The following NAV2 variants were observed in gnomAD, a reference collection of about 807,000 sequenced individuals.
NAV2 encodes neuron navigator 2.
A neutral mutation model predicts 223.2 loss-of-function variants in NAV2; 54 were observed. The ratio of observed to expected loss-of-function variants is 0.24; its 90% CI spans 0.19 to 0.30. The LOEUF (loss-of-function observed/expected upper bound fraction) is 0.30, where lower values mean the gene tolerates loss of function less well. Among genes scored for constraint, NAV2 ranks in the 10% least tolerant of loss-of-function variants. The pLI is 1.00. For missense variants in NAV2, 2,806 were observed against 3,147.5 expected, an observed-to-expected ratio of 0.89 and a Z score of 2.60; for synonymous variants, 1,279 against 1,239.3, an observed-to-expected ratio of 1.03 and a Z score of -0.67.
At chr11:20,007,953 GAAC>G (rs1363314900) in intron 11 of NAV2, among the ~76,000 whole-genome samples, 8 of 152,234 alleles carry the variant, frequency 5.3e-5, no homozygotes, top group Admixed American at 5.2e-4. Context: ...TTATAGAAGA[GAAC>G]GTTATCATAC....
At chr11:19,543,391 A>G (rs2044392911) in intron 1 of NAV2, among the ~76,000 whole-genome samples, 1 of 152,204 alleles carries the variant, frequency 6.6e-6, no homozygotes, top group Non-Finnish European at 1.5e-5. Flanking sequence ...CCAACGTAAC[A>G]GTAATCATTG....
chr11:19,868,926 T>C lies in NAV2; in HGVS notation c.440T>C (p.Ile147Thr). The change falls in exon 4 of 38, where the codon ATT becomes ACT. Residue 147 changes from isoleucine (I) to threonine (T), a missense_variant and splice_region_variant. This residue lies in a region of NAV2 where 1,167 missense variants were observed against 1,180.5 expected (regional missense o/e 0.99). Transcript: ENST00000349880. ...NGCPKNRSQM[I>T]ENIDACLNFL... is the part of the protein sequence containing the mutation. ...TATATTGTTGTTTTTCCCTCCTAGA[T>C]TGAAAACATAGATGCCTGCTTGAAT... 3.7e-6 allele frequency: 6 copies of C among 1,613,762 alleles called. No homozygotes were observed. The African/African-American group carries it at 5.3e-5, about 14-fold the overall frequency.
In NAV2 at chr11:19,949,081, G is replaced by A; in HGVS notation, c.2645+1G>A. Reference sequence around the variant, plus strand: ...TCCGGACCGATGACATTACAAGCGGGTAAGTACCCGGGGCCGCCCTTTCTC... The same window carrying A: ...TCCGGACCGATGACATTACAAGCGGATAAGTACCCGGGGCCGCCCTTTCTC... On this transcript the variant is annotated splice_donor_variant, in intron 10 of 37. Transcript: ENST00000349880. LOFTEE classifies it high-confidence loss of function. The A allele has an allele frequency of 6.3e-7, 1 of 1,593,996 alleles. No homozygotes were observed. The highest frequency in any genetic ancestry group is 8.6e-7 in the Non-Finnish European group (1 of 1,167,910).
At chr11:20,005,696 A>G (rs922724980) in intron 11 of NAV2, among the ~76,000 whole-genome samples, 5 of 152,234 alleles carry the variant, frequency 3.3e-5, no homozygotes, top group African/African-American at 1.2e-4. Context: ...TGAATGCTCA[A>G]AGTATTTCAT....
intron 6 of NAV2, among the ~76,000 whole-genome samples, chr11:19,920,139 A>C (rs1231178554): frequency 6.6e-6 from 1 of 152,156 alleles, no homozygotes; most frequent in African/African-American, 2.4e-5. Context: ...GTCTCAAAAA[A>C]TAAGAAGAGC....
upstream of NAV2, chr11:19,711,155 G>C (rs1334014801): frequency 6.6e-6 from 1 of 152,210 alleles, no homozygotes; most frequent in Non-Finnish European, 1.5e-5. Flanking sequence ...AACTAGAGTA[G>C]AAAGTTGCTA....
At chr11:19,462,636 C>T (rs1852206623) in intron 1 of NAV2, among the ~76,000 whole-genome samples, 1 of 152,192 alleles carries the variant, frequency 6.6e-6, no homozygotes, top group African/African-American at 2.4e-5. Context: ...CTTACAAGGC[C>T]AAAGCTCATA....
At chr11:19,577,280 G>A (rs1342863676) in intron 1 of NAV2, among the ~76,000 whole-genome samples, 10 of 152,264 alleles carry the variant, frequency 6.6e-5, no homozygotes, top group African/African-American at 1.2e-4. Context: ...CTCCATCAGC[G>A]TTCTATTTGC....
At chr11:19,553,806 C>G (rs1275416666) in intron 1 of NAV2, among the ~76,000 whole-genome samples, 1 of 152,230 alleles carries the variant, frequency 6.6e-6, no homozygotes, top group African/African-American at 2.4e-5. Context: ...TCCAGGGACC[C>G]AGACTGAGGA....
At position 20,045,056 on chromosome 11, in the gene NAV2, G is replaced by A. The variant is rs199702890; in HGVS notation, c.3288G>A (p.Arg1096=). The A allele has an allele frequency of 1.9e-6, 3 of 1,614,152 alleles. No homozygotes were observed. The highest frequency in any genetic ancestry group is 1.6e-4 in the Middle Eastern group (1 of 6,062). ...AGCGCTCCCCATCAGATGCAGGCCG[G>A]AGCAGTGGTGACGAATCCAAAAAGC... is the stretch of plus-strand genomic sequence containing the variant. ...QVKRSPSDAG[R]SSGDESKKPL... is the part of the protein sequence containing the mutation. Residue 1096 remains arginine, a synonymous_variant, in exon 14 of 38, where the codon CGG becomes CGA. Transcript: ENST00000349880.
At chr11:19,398,070 A>G (rs1264351341) in intron 1 of NAV2, among the ~76,000 whole-genome samples, 1 of 152,168 alleles carries the variant, frequency 6.6e-6, no homozygotes, top group Non-Finnish European at 1.5e-5. Flanking sequence ...GCATTGCTAT[A>G]AAGAAATGCC....
chr11:19,910,628 G>A (rs2043225784), intron 6 of NAV2, among the ~76,000 whole-genome samples: 1 of 152,202 alleles, frequency 6.6e-6, no homozygotes, highest in Admixed American at 6.5e-5. Flanking sequence ...GGAGGCCGAG[G>A]CAGGCTGATT....
intron 2 of NAV2, among the ~76,000 whole-genome samples, chr11:19,832,971 CA>C (rs1049589155): frequency 2.0e-5 from 3 of 150,380 alleles, no homozygotes; most frequent in Non-Finnish European, 4.4e-5. Context: ...GAAATATTTC[CA>C]AAAAAAAAGT....
intron 6 of NAV2, among the ~76,000 whole-genome samples, chr11:19,909,717 G>A (rs574822739): frequency 8.5e-5 from 13 of 152,094 alleles, no homozygotes; most frequent in East Asian, 3.9e-4. Flanking sequence ...CCCACTTCTC[G>A]GCTGCTCTTT....
At chr11:19,443,309 C>T (rs964067935) in intron 1 of NAV2, among the ~76,000 whole-genome samples, 3 of 152,216 alleles carry the variant, frequency 2.0e-5, no homozygotes, top group African/African-American at 7.2e-5. Flanking sequence ...TTCTGACCTT[C>T]TCAGTGGCCA....
At chr11:20,060,083 C>A (rs540458622) in intron 19 of NAV2, among the ~76,000 whole-genome samples, 1 of 152,350 alleles carries the variant, frequency 6.6e-6, no homozygotes, top group Admixed American at 6.5e-5. Flanking sequence ...CTTAAGCCTG[C>A]CAGATGTGCT....
At chr11:19,638,240 G>A (rs1422289524) in intron 1 of NAV2, among the ~76,000 whole-genome samples, 1 of 152,176 alleles carries the variant, frequency 6.6e-6, no homozygotes, top group African/African-American at 2.4e-5. Flanking sequence ...TTGATACTGG[G>A]AAGTTTGCTA....
At position 19,988,823 on chromosome 11, in the gene NAV2, G is replaced by T. The variant is rs116726358; in HGVS notation, c.2768+4576G>T. On this transcript the variant is annotated intron_variant, in intron 11 of 37. Coordinates refer to ENST00000349880, the MANE Select transcript of NAV2 (RefSeq NM_145117.5). ...TGGGAGTGTCATAAGAACTCCAAGA[G>T]CCCAGGACACTGCTTGGCTTTGTGA... Among the ~76,000 whole-genome samples, 910 of 152,300 alleles carry T rather than the reference G, an allele frequency of 6.0e-3. 8 individuals are homozygous for T. The highest frequency in any genetic ancestry group is 0.031 in the Middle Eastern group (9 of 294).
At chr11:19,762,734 C>G (rs1418204268) in intron 1 of NAV2, among the ~76,000 whole-genome samples, 1 of 151,688 alleles carries the variant, frequency 6.6e-6, no homozygotes, top group Non-Finnish European at 1.5e-5. Flanking sequence ...CTGCCTCAGC[C>G]TCCTGAGTAG....
Sources: allele counts gnomAD v4.1 joint callset (sites outside exome capture counted in the v4.1 genomes callset), GRCh38; gene constraint gnomAD v4.1.1; regional missense constraint gnomAD v4.1.1; transcripts MANE v1.5; gene names NCBI Gene and HGNC (gene_info 2026-07-23, HGNC 2026-07-21).